KDM4B: variants seen among roughly 807,000 people sequenced by gnomAD.
KDM4B encodes lysine-specific demethylase 4B.
In KDM4B, 32 loss-of-function variants were observed where a neutral mutation model predicts 125.2. That is an observed-to-expected ratio of 0.26 (90% confidence interval 0.19 to 0.34). KDM4B has a LOEUF of 0.34. Ranked by LOEUF, KDM4B falls within the 10% of genes least tolerant of loss-of-function variation. The pLI, the probability that KDM4B is intolerant of heterozygous loss-of-function variation, is 1.00. For synonymous variants in KDM4B, 721 were observed against 677.9 expected, an observed-to-expected ratio of 1.06 and a Z score of -0.99; for missense variants, 1,190 against 1,577.7, an observed-to-expected ratio of 0.75 and a Z score of 4.16.
chr19:5,017,468 C>T (rs1308933636), intron 2 of KDM4B, among the ~76,000 whole-genome samples: 1 of 152,146 alleles, frequency 6.6e-6, no homozygotes, highest in Non-Finnish European at 1.5e-5. Flanking sequence ...GGAGATATTT[C>T]CTGTTTGGGC....
chr19:5,056,405 C>CTTTT (rs941745686), intron 6 of KDM4B, among the ~76,000 whole-genome samples: 14 of 136,298 alleles, frequency 1.0e-4, no homozygotes, highest in Non-Finnish European at 1.3e-4. Flanking sequence ...CCCTTTCTTT[C>CTTTT]TTTTTTTTTT....
chr19:5,127,522 C>T (rs1009261701), intron 11 of KDM4B, among the ~76,000 whole-genome samples: 1 of 152,164 alleles, frequency 6.6e-6, no homozygotes, highest in Non-Finnish European at 1.5e-5. Flanking sequence ...GCGTGGAGTG[C>T]GTTGAGGCTG....
rs62114278 is a variant in KDM4B, at chr19:4,985,942, C to T, written c.-109+16712C>T. ...TGTGTGTTCTGCACCGGCCGTCTCC[C>T]GGTTTTTCCCTCGCTGTCTGGGCCT... is the stretch of plus-strand genomic sequence containing the variant. On this transcript the variant is annotated intron_variant, in intron 1 of 22. Transcript: ENST00000159111. Among the ~76,000 whole-genome samples, 132 of 152,356 alleles carry T rather than the reference C, an allele frequency of 8.7e-4. 1 individual carries two copies. The highest frequency in any genetic ancestry group is 4.1e-3 in the Admixed American group (63 of 15,304).
chr19:5,102,213 C>T (rs1482880605), intron 9 of KDM4B, among the ~76,000 whole-genome samples: 1 of 152,216 alleles, frequency 6.6e-6, no homozygotes, highest in Non-Finnish European at 1.5e-5. Flanking sequence ...GTCTCCTTTT[C>T]CATCCTCCCT....
chr19:5,081,190 G>A lies in KDM4B; in HGVS notation c.781-1177G>A, dbSNP rs1225355547. Among the ~76,000 whole-genome samples the A allele has an allele frequency of 6.6e-6, 1 of 152,222 alleles. No individual in the cohort carries two copies. Among genetic ancestry groups the A allele is most frequent in the African/African-American group, 2.4e-5 (1 of 41,448 alleles). Reference sequence around the variant, plus strand: ...AGATGAGGAGCCCACTTGACTTCAAGGATTCTAGTTCATGAGCCTCAGTTT... The same window carrying A: ...AGATGAGGAGCCCACTTGACTTCAAAGATTCTAGTTCATGAGCCTCAGTTT... On this transcript the variant is annotated intron_variant, in intron 8 of 22. Transcript: ENST00000159111. The surrounding 1 kb of genome is among the most constrained non-coding windows in gnomAD (Gnocchi z 4.2).
intron 1 of KDM4B, among the ~76,000 whole-genome samples, chr19:5,012,629 G>T (rs902318306): frequency 6.6e-6 from 1 of 152,224 alleles, no homozygotes; most frequent in Non-Finnish European, 1.5e-5. Flanking sequence ...AGATGGTAGG[G>T]CGCCCCTCGA....
intron 6 of KDM4B, among the ~76,000 whole-genome samples, chr19:5,048,804 G>A (rs965817531): frequency 5.9e-5 from 9 of 152,314 alleles, no homozygotes; most frequent in African/African-American, 1.9e-4. Flanking sequence ...TGGTGTGACC[G>A]GGTTTGTGCC....
intron 6 of KDM4B, among the ~76,000 whole-genome samples, chr19:5,069,998 T>G (rs184759396): frequency 5.3e-5 from 8 of 152,230 alleles, no homozygotes; most frequent in African/African-American, 1.9e-4. Context: ...CTTTTCCTTG[T>G]CTTGCTTCTG....
Position 5,137,686 on chromosome 19 carries a change from A to C in KDM4B, c.2441+10A>C, listed in dbSNP as rs1468800110. 1 of 1,576,804 alleles carries C rather than the reference A, an allele frequency of 6.3e-7. No individual in the cohort carries two copies. The highest frequency in any genetic ancestry group is 1.7e-5 in the Admixed American group (1 of 57,734). On this transcript the variant is annotated intron_variant, in intron 17 of 22. Transcript: ENST00000159111. ...TGACCACCGATAGGAGGTGGGTGGC[A>C]CCGCGCGTTGGGGCTGGAGGGCCGG...
At chr19:5,143,021 T>C (rs1197248830) in intron 18 of KDM4B, among the ~76,000 whole-genome samples, 2 of 152,086 alleles carry the variant, frequency 1.3e-5, no homozygotes, top group African/African-American at 4.8e-5. Context: ...CTCTCAGGGC[T>C]TCTTATTAAA....
At chr19:5,100,815 C>T (rs191027941) in intron 9 of KDM4B, among the ~76,000 whole-genome samples, 1 of 152,266 alleles carries the variant, frequency 6.6e-6, no homozygotes, top group African/African-American at 2.4e-5. Context: ...CATTTCTGCC[C>T]TTTTTTGTCT....
intron 21 of KDM4B, among the ~76,000 whole-genome samples, chr19:5,145,700 T>G (rs1013727880): frequency 2.6e-5 from 4 of 152,180 alleles, no homozygotes; most frequent in African/African-American, 9.7e-5. Context: ...GCACTTCCCT[T>G]GAGCTCCCCT....
chr19:5,084,942 G>A (rs1568286223), intron 9 of KDM4B, among the ~76,000 whole-genome samples: 1 of 139,948 alleles, frequency 7.1e-6, no homozygotes. Context: ...CTGGGCTCAA[G>A]TGATCCACCC....
At chr19:5,028,061 C>T (rs1005851904) in intron 2 of KDM4B, among the ~76,000 whole-genome samples, 1 of 152,170 alleles carries the variant, frequency 6.6e-6, no homozygotes, top group African/African-American at 2.4e-5. Context: ...ACTGCAGCCT[C>T]GAAATCCTGG....
chr19:5,058,028 C>A (rs979994632), intron 6 of KDM4B, among the ~76,000 whole-genome samples: 2 of 152,186 alleles, frequency 1.3e-5, no homozygotes. Context: ...GGGCAGGGCC[C>A]ACCACTTCTG....
Position 5,137,603 on chromosome 19 carries a change from G to A in KDM4B, c.2386-18G>A. Reference sequence around the variant, plus strand: ...CTGCTCCGAGCCCTGCTCATCCAGGGCTGTCTGGTCTCCACAGGAGTGCTG... The same window carrying A: ...CTGCTCCGAGCCCTGCTCATCCAGGACTGTCTGGTCTCCACAGGAGTGCTG... On this transcript the variant is annotated intron_variant, in intron 16 of 22. Transcript: ENST00000159111. The A allele has an allele frequency of 6.2e-7, 1 of 1,602,166 alleles. No homozygotes were observed.
rs146023093 is a variant in KDM4B at position 5,120,461 on chromosome 19, T to C, written c.1315+609T>C. On this transcript the variant is annotated intron_variant, in intron 11 of 22. Transcript: ENST00000159111. Reference sequence around the variant, plus strand: ...GGCCCCCGTCAGCAGGTCTCCCACCTGCCCTCGGGCCTCCCCACTCTCCCG... The same window carrying C: ...GGCCCCCGTCAGCAGGTCTCCCACCCGCCCTCGGGCCTCCCCACTCTCCCG... 6.0e-3 allele frequency among the ~76,000 whole-genome samples: 920 copies of C among 152,100 alleles called. 11 individuals carry two copies. The highest frequency in any genetic ancestry group is 0.021 in the African/African-American group (887 of 41,528).
chr19:5,015,546 C>T (rs961812556), intron 1 of KDM4B, among the ~76,000 whole-genome samples: 6 of 152,130 alleles, frequency 3.9e-5, no homozygotes, highest in African/African-American at 1.4e-4. Context: ...GCCACCTCGC[C>T]CCGCCATGAA....
intron 6 of KDM4B, among the ~76,000 whole-genome samples, chr19:5,052,574 C>T (rs893085432): frequency 3.3e-4 from 50 of 152,200 alleles, no homozygotes; most frequent in Non-Finnish European, 1.2e-4. Flanking sequence ...TCAGGACCTC[C>T]CTGGCCCACC....
Sources: allele counts gnomAD v4.1 joint callset (sites outside exome capture counted in the v4.1 genomes callset), GRCh38; gene constraint gnomAD v4.1.1; non-coding constraint Gnocchi (gnomAD v3.1); transcripts MANE v1.5; gene names NCBI Gene and HGNC (gene_info 2026-07-23, HGNC 2026-07-21).